The following GMDS variants were observed in gnomAD, a reference collection of about 807,000 sequenced individuals.
GMDS encodes GDP-mannose 4,6 dehydratase.
In GMDS, 20 loss-of-function variants were observed where a neutral mutation model predicts 49.9. The ratio of observed to expected loss-of-function variants is 0.40; its 90% confidence interval spans 0.28 to 0.58. The LOEUF (loss-of-function observed/expected upper bound fraction) is 0.58. GMDS is among the 20% of genes least tolerant of loss of function. The probability of loss-of-function intolerance (pLI) is 0.42; values close to 1 mark genes in which losing one functional copy is unlikely to be tolerated. For missense variants in GMDS, 362 were observed against 481.4 expected (o/e 0.75, Z 2.32); for synonymous variants, 177 against 178.6 (o/e 0.99, Z 0.07).
intron 9 of GMDS, among the ~76,000 whole-genome samples, chr6:1,666,619 GATCACTA>G (rs1356192321): frequency 6.6e-6 from 1 of 152,214 alleles, no homozygotes; most frequent in African/African-American, 2.4e-5. Flanking sequence ...ACGGTGGTGT[GATCACTA>G]ATGGAATCAC....
chr6:2,124,429 G>A (rs1156541799), intron 2 of GMDS, among the ~76,000 whole-genome samples: 3 of 152,170 alleles, frequency 2.0e-5, no homozygotes, highest in Non-Finnish European at 2.9e-5. Context: ...AGGCTGCTGC[G>A]TTATCGGAGA....
At chr6:1,829,237 A>T (rs2113721267) in intron 7 of GMDS, among the ~76,000 whole-genome samples, 1 of 152,332 alleles carries the variant, frequency 6.6e-6, no homozygotes, top group South Asian at 2.1e-4. Flanking sequence ...ATGTTGTTCA[A>T]GGGTTAACTG....
intron 9 of GMDS, among the ~76,000 whole-genome samples, chr6:1,652,223 T>C (rs1763673457): frequency 6.9e-6 from 1 of 145,982 alleles, no homozygotes; most frequent in Non-Finnish European, 1.5e-5. Context: ...AATACAAAAA[T>C]TAGCCTGCTG....
intron 4 of GMDS, among the ~76,000 whole-genome samples, chr6:2,100,295 T>C (rs987515745): frequency 6.6e-6 from 1 of 152,086 alleles, no homozygotes; most frequent in Non-Finnish European, 1.5e-5. Context: ...ATTGCCAATA[T>C]AGTGAAATCG....
At chr6:1,861,650 AG>A (rs1758191616) in intron 7 of GMDS, among the ~76,000 whole-genome samples, 1 of 151,916 alleles carries the variant, frequency 6.6e-6, no homozygotes, top group Admixed American at 6.6e-5. Flanking sequence ...AAATGCGAAA[AG>A]GCAGGAGGTA....
intron 4 of GMDS, among the ~76,000 whole-genome samples, chr6:1,966,829 AACACTTC>A (rs1764288056): frequency 6.6e-6 from 1 of 152,092 alleles, no homozygotes. Flanking sequence ...AATCTTCCCT[AACACTTC>A]CTTCCCTGCA....
intron 7 of GMDS, among the ~76,000 whole-genome samples, chr6:1,826,737 A>C (rs1233383473): frequency 6.6e-6 from 1 of 152,180 alleles, no homozygotes; most frequent in Non-Finnish European, 1.5e-5. Flanking sequence ...CAGTATGTAC[A>C]AAATGAAGTT....
At chr6:1,781,928 A>G (rs764990943) in intron 7 of GMDS, among the ~76,000 whole-genome samples, 57 of 151,880 alleles carry the variant, frequency 3.8e-4, no homozygotes, top group Admixed American at 2.7e-3. Flanking sequence ...GAGCAGGAGT[A>G]AAGTGGGCTA....
chr6:1,757,172 A>G (rs1278556907), intron 7 of GMDS, among the ~76,000 whole-genome samples: 4 of 152,198 alleles, frequency 2.6e-5, no homozygotes. Context: ...TCTATCTTTA[A>G]CATCGTGCAG....
intron 7 of GMDS, among the ~76,000 whole-genome samples, chr6:1,791,038 G>A (rs910854167): frequency 2.0e-5 from 3 of 152,188 alleles, no homozygotes; most frequent in Non-Finnish European, 4.4e-5. Context: ...TGGAAGCAAA[G>A]GACAGAGAAT....
chr6:1,727,265 C>T (rs1766627862), intron 8 of GMDS, among the ~76,000 whole-genome samples: 1 of 152,212 alleles, frequency 6.6e-6, no homozygotes, highest in Admixed American at 6.5e-5. Context: ...CAAGTCCACA[C>T]TATGCAGGAT....
chr6:1,653,100 C>T (rs1005066725), intron 9 of GMDS, among the ~76,000 whole-genome samples: 4 of 151,980 alleles, frequency 2.6e-5, no homozygotes, highest in Non-Finnish European at 5.9e-5. Flanking sequence ...GCATGCCTCC[C>T]TCCACAGACC....
chr6:2,239,894 G>C (rs1781533433), intron 1 of GMDS, among the ~76,000 whole-genome samples: 2 of 152,052 alleles, frequency 1.3e-5, no homozygotes, highest in South Asian at 2.1e-4. Flanking sequence ...CACTATGTTA[G>C]CCAGGATGGT....
intron 1 of GMDS, among the ~76,000 whole-genome samples, chr6:2,161,334 T>C (rs1310360810): frequency 6.6e-6 from 1 of 152,200 alleles, no homozygotes; most frequent in Non-Finnish European, 1.5e-5. Flanking sequence ...TTTTAAAGTA[T>C]AAAATCTTTA....
intron 1 of GMDS, among the ~76,000 whole-genome samples, chr6:2,218,555 G>A (rs1780441757): frequency 6.6e-6 from 1 of 152,130 alleles, no homozygotes; most frequent in Admixed American, 6.5e-5. Flanking sequence ...AATATACTAT[G>A]ATACCACACT....
intron 9 of GMDS, among the ~76,000 whole-genome samples, chr6:1,661,001 A>T (rs1038606531): frequency 6.6e-6 from 1 of 151,892 alleles, no homozygotes. Context: ...AGCAGTTTTC[A>T]ATCCATATCT....
chr6:2,059,046 G>A (rs528268258), intron 4 of GMDS, among the ~76,000 whole-genome samples: 1 of 151,476 alleles, frequency 6.6e-6, no homozygotes, highest in African/African-American at 2.4e-5. Context: ...TGTGGTGGCG[G>A]GTGCCTGTAA....
At chr6:2,091,460 A>G (rs987298520) in intron 4 of GMDS, among the ~76,000 whole-genome samples, 6 of 152,220 alleles carry the variant, frequency 3.9e-5, no homozygotes, top group African/African-American at 1.4e-4. Flanking sequence ...ACGGTCACCA[A>G]TACAGACTCA....
Position 1,624,247 on chromosome 6 carries a change from G to A in GMDS, c.1057-16C>T, listed in dbSNP as rs1164209358. 3 of 1,609,452 alleles carry A rather than the reference G, an allele frequency of 1.9e-6. No homozygotes were observed. The highest frequency in any genetic ancestry group is 2.5e-6 in the Non-Finnish European group (3 of 1,178,582). On this transcript the variant is annotated splice_polypyrimidine_tract_variant and intron_variant, in intron 10 of 10. Coordinates refer to ENST00000380815, the MANE Select transcript of GMDS (RefSeq NM_001500.4). ...TCACCAGCTCCTGCAACACAGGGGT[G>A]GGCGTGAGGGAGGAGCTTCTGCCAC...
Sources: gnomAD v4.1 joint callset for allele counts (sites outside exome capture counted in the v4.1 genomes callset) on GRCh38, gnomAD v4.1.1 for gene constraint, MANE v1.5 for transcripts, NCBI Gene and HGNC (gene_info 2026-07-23, HGNC 2026-07-21) for gene names.